The following ACTR3C variants were observed in gnomAD, a reference collection of about 807,000 sequenced individuals.
The protein encoded by ACTR3C is actin related protein 3C, also known as actin-related protein 3C.
Under a neutral mutation model 26.3 loss-of-function variants are expected in ACTR3C, and 18 were observed. The ratio of observed to expected loss-of-function variants is 0.68; its 90% CI spans 0.47 to 1.01. The LOEUF (loss-of-function observed/expected upper bound fraction) is 1.01, where lower values mean the gene tolerates loss of function less well. ACTR3C is among the 50% of genes least tolerant of loss of function. The pLI is 0.00. For missense variants in ACTR3C, 184 were observed against 250.7 expected (o/e 0.73, Z 1.80); for synonymous variants, 55 against 94.5 (o/e 0.58, Z 2.42).
the ACTR3C span, among the ~76,000 whole-genome samples, chr7:150,197,453 T>A: frequency 3.3e-5 from 5 of 152,240 alleles, no homozygotes; most frequent in Non-Finnish European, 5.9e-5. Context: ...TTGGATTACT[T>A]GGTTGTCCTG....
At chr7:150,071,192 C>T in the ACTR3C span, among the ~76,000 whole-genome samples, 1 of 151,998 alleles carries the variant, frequency 6.6e-6, no homozygotes, top group Non-Finnish European at 1.5e-5. Flanking sequence ...GGTGCGATCT[C>T]AGCTCACTGC....
At chr7:150,150,419 G>A in the ACTR3C span, among the ~76,000 whole-genome samples, 4 of 152,074 alleles carry the variant, frequency 2.6e-5, no homozygotes, top group Non-Finnish European at 5.9e-5. Flanking sequence ...GGTAAGAGTT[G>A]CCTTGCATCC....
the ACTR3C span, among the ~76,000 whole-genome samples, chr7:150,134,064 A>G: frequency 1.3e-4 from 20 of 152,214 alleles, no homozygotes; most frequent in Admixed American, 1.2e-3. Context: ...TTTTAAGGTA[A>G]ATGAGGCTTG....
the ACTR3C span, among the ~76,000 whole-genome samples, chr7:150,187,941 T>G: frequency 1.3e-5 from 2 of 152,160 alleles, no homozygotes; most frequent in Non-Finnish European, 2.9e-5. Flanking sequence ...CTCGCCAATT[T>G]TAGCATTAAG....
At chr7:150,284,387 C>T (rs959215641) in intron 6 of ACTR3C, among the ~76,000 whole-genome samples, 20 of 151,994 alleles carry the variant, frequency 1.3e-4, no homozygotes, top group Admixed American at 1.1e-3. Context: ...CTGAAACACA[C>T]ACAAAAAAAT....
chr7:149,981,495 T>C, the ACTR3C span, among the ~76,000 whole-genome samples: 20 of 139,642 alleles, frequency 1.4e-4, no homozygotes, highest in Non-Finnish European at 2.8e-4. Flanking sequence ...ACAAAATTCA[T>C]TGTTGTTTGG....
chr7:149,920,778 G>C, the ACTR3C span, among the ~76,000 whole-genome samples: 2 of 150,296 alleles, frequency 1.3e-5, no homozygotes, highest in Non-Finnish European at 3.0e-5. Context: ...GTTTTGTTTT[G>C]TTTTTGAGAT....
At chr7:149,882,490 A>ATCCTTCCTTCCTCACG in the ACTR3C span, among the ~76,000 whole-genome samples, 2 of 151,864 alleles carry the variant, frequency 1.3e-5, no homozygotes, top group Non-Finnish European at 2.9e-5. Context: ...CCTTTCTCAC[A>ATCCTTCCTTCCTCACG]TCTTCCATCC....
chr7:150,109,313 C>A, the ACTR3C span, among the ~76,000 whole-genome samples: 1 of 151,966 alleles, frequency 6.6e-6, no homozygotes, highest in Admixed American at 6.6e-5. Context: ...TAAACTAATT[C>A]AGGAAATGTA....
At chr7:149,885,545 A>G in the ACTR3C span, among the ~76,000 whole-genome samples, 4,521 of 152,336 alleles carry the variant, frequency 0.03, 211 homozygotes, top group African/African-American at 0.095. Context: ...GGGCGGACAC[A>G]GTTGGGATGG....
the ACTR3C span, among the ~76,000 whole-genome samples, chr7:150,235,685 C>T: frequency 1.3e-5 from 2 of 152,166 alleles, no homozygotes; most frequent in Non-Finnish European, 2.9e-5. Flanking sequence ...ATTTAGCTTG[C>T]TTGACAACTA....
chr7:150,155,520 C>T, the ACTR3C span, among the ~76,000 whole-genome samples: 749 of 152,202 alleles, frequency 4.9e-3, 6 homozygotes, highest in African/African-American at 0.017. Flanking sequence ...GCAAAACACA[C>T]AACGTTTACA....
chr7:149,981,707 G>C, the ACTR3C span, among the ~76,000 whole-genome samples: 2 of 151,876 alleles, frequency 1.3e-5, no homozygotes, highest in African/African-American at 4.8e-5. Context: ...CCGCAGCACT[G>C]TTCCAAGGGC....
the ACTR3C span, among the ~76,000 whole-genome samples, chr7:150,037,310 C>A: frequency 2.2e-5 from 1 of 45,964 alleles, no homozygotes; most frequent in South Asian, 6.2e-4. Flanking sequence ...ATCTTAGGAT[C>A]AACGATGCGG....
At chr7:150,159,731 T>G in the ACTR3C span, among the ~76,000 whole-genome samples, 1 of 152,230 alleles carries the variant, frequency 6.6e-6, no homozygotes, top group African/African-American at 2.4e-5. Context: ...TTGCATTTAC[T>G]GCATGTCCTG....
chr7:150,256,775 AAAT>A (rs1003532875), intron 6 of ACTR3C, among the ~76,000 whole-genome samples: 5 of 152,354 alleles, frequency 3.3e-5, no homozygotes, highest in Admixed American at 2.6e-4. Context: ...GTAAAAAAAA[AAAT>A]AAACACATGT....
chr7:149,957,628 G>T, the ACTR3C span, among the ~76,000 whole-genome samples: 1 of 152,090 alleles, frequency 6.6e-6, no homozygotes, highest in Non-Finnish European at 1.5e-5. Context: ...TACACCTTCA[G>T]GTTCCCTGGT....
chr7:150,040,628 C>T, the ACTR3C span: 3 of 146,498 alleles, frequency 2.0e-5, no homozygotes, highest in East Asian at 2.0e-4. Context: ...CGTTCGGACC[C>T]ATGTCTTATT....
At chr7:150,116,985 G>A in the ACTR3C span, among the ~76,000 whole-genome samples, 68 of 152,198 alleles carry the variant, frequency 4.5e-4, 1 homozygote, top group South Asian at 0.01. Flanking sequence ...AAGGGGTCAC[G>A]GAACTCCCTC....
Sources: allele counts gnomAD v4.1 joint callset (sites outside exome capture counted in the v4.1 genomes callset), GRCh38; gene constraint gnomAD v4.1.1; transcripts MANE v1.5; gene names NCBI Gene and HGNC (gene_info 2026-07-23, HGNC 2026-07-21).